The following BDKRB2 variants were observed in gnomAD, a reference collection of about 807,000 sequenced individuals.
The protein encoded by BDKRB2 is B2 bradykinin receptor.
Under a neutral mutation model 4.0 loss-of-function variants are expected in BDKRB2, and 6 were observed. That is an observed-to-expected ratio of 1.49 (90% CI 0.81 to 2.93). The LOEUF (loss-of-function observed/expected upper bound fraction) is 2.93, where lower values mean the gene tolerates loss of function less well. Ranked by LOEUF, BDKRB2 falls within the 30% of genes most tolerant of loss-of-function variation. The pLI is 0.00. For missense variants in BDKRB2, 478 were observed against 520.1 expected, an observed-to-expected ratio of 0.92 and a Z score of 0.79; for synonymous variants, 225 against 215.3, an observed-to-expected ratio of 1.05 and a Z score of -0.40.
intron 2 of BDKRB2, 194 bp from the exon 3 acceptor site, chr14:96,240,209 G>A (rs1885236663): frequency 7.7e-7 from 1 of 1,297,402 alleles, no homozygotes; most frequent in Admixed American, 3.0e-5. Context: ...TTAGATCCAA[G>A]GATCAGAGGG....
At chr14:96,205,777 C>A (rs1157101455) in intron 1 of BDKRB2, among the ~76,000 whole-genome samples, 1 of 152,182 alleles carries the variant, frequency 6.6e-6, no homozygotes, top group East Asian at 1.9e-4. Context: ...TAGGCTCTTG[C>A]CTGTGAAGCA....
intron 1 of BDKRB2, among the ~76,000 whole-genome samples, chr14:96,206,906 G>T (rs1890195711): frequency 6.6e-6 from 1 of 152,202 alleles, no homozygotes; most frequent in African/African-American, 2.4e-5. Context: ...CTGGCAGATT[G>T]GGTGTCTGGT....
chr14:96,238,388 C>G (rs982231258), intron 2 of BDKRB2: 1 of 908,026 alleles, frequency 1.1e-6, no homozygotes, highest in Admixed American at 6.2e-5. Context: ...AAGTCCAGCC[C>G]ACGTCCAGGA....
intron 2 of BDKRB2, chr14:96,239,385 G>C: frequency 1.0e-6 from 1 of 985,450 alleles, no homozygotes; most frequent in Non-Finnish European, 1.2e-6. Flanking sequence ...AGCTAGGAGT[G>C]GAACTCATGG....
chr14:96,232,935 C>CAAG (rs1890851168), intron 1 of BDKRB2, among the ~76,000 whole-genome samples: 1 of 152,204 alleles, frequency 6.6e-6, no homozygotes, highest in African/African-American at 2.4e-5. Flanking sequence ...AAACAAAAAA[C>CAAG]AGATGAACAA....
chr14:96,211,483 G>A (rs905327876), intron 1 of BDKRB2, among the ~76,000 whole-genome samples: 1 of 152,218 alleles, frequency 6.6e-6, no homozygotes, highest in Non-Finnish European at 1.5e-5. Flanking sequence ...GGCAGGAGAG[G>A]GTCTGCACAC....
intron 1 of BDKRB2, among the ~76,000 whole-genome samples, chr14:96,236,586 G>A (rs1223718765): frequency 1.3e-5 from 2 of 152,166 alleles, no homozygotes; most frequent in East Asian, 3.9e-4. Context: ...CCAGGTCGAA[G>A]CTAATGGGCT....
intron 1 of BDKRB2, among the ~76,000 whole-genome samples, chr14:96,235,626 T>A (rs920671293): frequency 4.6e-5 from 7 of 152,194 alleles, no homozygotes; most frequent in South Asian, 4.1e-4. Flanking sequence ...GTTTACCAAC[T>A]CAGCTTTTTG....
intron 1 of BDKRB2, among the ~76,000 whole-genome samples, chr14:96,208,832 C>A (rs540730652): frequency 1.3e-5 from 2 of 152,306 alleles, no homozygotes; most frequent in East Asian, 3.9e-4. Context: ...CACTGCCAAC[C>A]CCTCTGAGCC....
chr14:96,228,106 T>C (rs934124950), intron 1 of BDKRB2, among the ~76,000 whole-genome samples: 1 of 152,018 alleles, frequency 6.6e-6, no homozygotes, highest in Non-Finnish European at 1.5e-5. Flanking sequence ...GAAGGGAGAG[T>C]TCCCTGGACC....
chr14:96,239,808 C>T, intron 2 of BDKRB2: 1 of 985,410 alleles, frequency 1.0e-6, no homozygotes, highest in Non-Finnish European at 1.2e-6. Context: ...AAAGTCCCCA[C>T]CCTCCCTCGC....
chr14:96,239,687 AT>A (rs1349174986), intron 2 of BDKRB2: 5 of 937,802 alleles, frequency 5.3e-6, no homozygotes, highest in Non-Finnish European at 6.4e-6. Context: ...TTTAACTCCC[AT>A]TTTACAGGTG....
At chr14:96,239,308 A>C (rs932789213) in intron 2 of BDKRB2, 25 of 974,532 alleles carry the variant, frequency 2.6e-5, no homozygotes, top group Non-Finnish European at 3.0e-5. Context: ...GGATGAGAGC[A>C]ATACCCTACT....
At chr14:96,206,883 C>T (rs559552688) in intron 1 of BDKRB2, among the ~76,000 whole-genome samples, 8 of 152,098 alleles carry the variant, frequency 5.3e-5, no homozygotes, top group South Asian at 2.1e-4. Context: ...CTGGGAAGCC[C>T]GAGATCAAGG....
chr14:96,218,549 G>A (rs907438525), intron 1 of BDKRB2, among the ~76,000 whole-genome samples: 1 of 152,146 alleles, frequency 6.6e-6, no homozygotes, highest in Non-Finnish European at 1.5e-5. Context: ...AGAGCTTTCT[G>A]AGCTGCATCC....
intron 1 of BDKRB2, among the ~76,000 whole-genome samples, chr14:96,209,143 G>A (rs1160346037): frequency 6.6e-6 from 1 of 152,234 alleles, no homozygotes; most frequent in South Asian, 2.1e-4. Flanking sequence ...CCACGCAGGT[G>A]CGGGGGTCCT....
chr14:96,217,292 A>G (rs1383458832), intron 1 of BDKRB2, among the ~76,000 whole-genome samples: 2 of 152,256 alleles, frequency 1.3e-5, no homozygotes. Context: ...ATTCAGAGGA[A>G]GTCACTACAA....
Position 96,222,007 on chromosome 14 carries a change from C to T in BDKRB2, c.-39-15062C>T, listed in dbSNP as rs114516745. ...TAAGAGCTCAGTCCCACAAGACTGC[C>T]GCCACTTCAGAACCCATCGCAAGTC... On this transcript the variant is annotated intron_variant, in intron 1 of 2. Transcript: ENST00000554311. Among the ~76,000 whole-genome samples the T allele has an allele frequency of 4.6e-3, 695 of 152,196 alleles. 8 individuals carry two copies. Among genetic ancestry groups the T allele is most frequent in the African/African-American group, 0.015 (638 of 41,470 alleles).
intron 1 of BDKRB2, among the ~76,000 whole-genome samples, chr14:96,228,245 T>G (rs1298637626): frequency 6.6e-6 from 1 of 152,184 alleles, no homozygotes; most frequent in Non-Finnish European, 1.5e-5. Flanking sequence ...TACAGTACCG[T>G]CTAGGGTTGT....
Sources: gnomAD v4.1 joint callset for allele counts (sites outside exome capture counted in the v4.1 genomes callset) on GRCh38, gnomAD v4.1.1 for gene constraint, MANE v1.5 for transcripts, NCBI Gene and HGNC (gene_info 2026-07-23, HGNC 2026-07-21) for gene names.